SYNDIG1L: variants seen among roughly 807,000 people sequenced by gnomAD.
SYNDIG1L encodes synapse differentiation-inducing gene protein 1-like.
In SYNDIG1L, 13 loss-of-function variants were observed where a neutral mutation model predicts 20.1. That is an observed-to-expected ratio of 0.65 (90% CI 0.42 to 1.03). The LOEUF is 1.03. Among genes scored for constraint, SYNDIG1L ranks in the 50% least tolerant of loss-of-function variants. The pLI, the probability that SYNDIG1L is intolerant of heterozygous loss-of-function variation, is 0.00. For missense variants in SYNDIG1L, 294 were observed against 305.1 expected, an observed-to-expected ratio of 0.96 and a Z score of 0.27; for synonymous variants, 128 against 129.3, an observed-to-expected ratio of 0.99 and a Z score of 0.07.
chr14:74,422,688 CT>C (rs1041626717), intron 1 of SYNDIG1L, among the ~76,000 whole-genome samples: 2 of 148,682 alleles, frequency 1.3e-5, no homozygotes, highest in African/African-American at 2.5e-5. Context: ...CACAATTTCT[CT>C]TTTTTTTCTT....
Position 74,407,160 on chromosome 14 carries a change from C to T in SYNDIG1L, c.*375G>A. 3.6e-6 allele frequency: 1 copy of T among 278,484 alleles called. No homozygotes were observed. The highest frequency in any genetic ancestry group is 6.9e-6 in the Non-Finnish European group (1 of 145,978). 17.3% of individuals were successfully genotyped at this position (278,484 alleles called of 1,614,324 possible). The stretch of plus-strand genomic sequence containing the variant: ...GCACCCCCTTTTCTCCCTGTAACCT[C>T]CTGCTCTTTCTCTGTGGGGAGGTTG... On this transcript the variant is annotated 3_prime_UTR_variant, in exon 4 of 4. Coordinates refer to ENST00000331628, the MANE Select transcript of SYNDIG1L (RefSeq NM_001105579.2).
the SYNDIG1L span, among the ~76,000 whole-genome samples, chr14:74,441,841 G>A: frequency 7.9e-5 from 12 of 152,104 alleles, no homozygotes; most frequent in South Asian, 2.1e-4. Context: ...TGATTTTCAA[G>A]ATCCTGTTTT....
At chr14:74,473,148 G>A in the SYNDIG1L span, among the ~76,000 whole-genome samples, 2 of 152,116 alleles carry the variant, frequency 1.3e-5, no homozygotes, top group South Asian at 2.1e-4. Flanking sequence ...TTGGGAGCCC[G>A]AGGCGGGTGG....
chr14:74,416,446 C>T (rs1401563125), intron 1 of SYNDIG1L, among the ~76,000 whole-genome samples: 3 of 151,944 alleles, frequency 2.0e-5, no homozygotes, highest in African/African-American at 4.8e-5. Flanking sequence ...CCAGCCTGGG[C>T]GATATAATGA....
chr14:74,460,037 C>G, the SYNDIG1L span, among the ~76,000 whole-genome samples: 1 of 152,154 alleles, frequency 6.6e-6, no homozygotes, highest in Middle Eastern at 3.2e-3. Flanking sequence ...ACCCCCAGCT[C>G]TTCCTCCCTC....
intron 1 of SYNDIG1L, among the ~76,000 whole-genome samples, chr14:74,421,876 C>T (rs1056075908): frequency 6.6e-6 from 1 of 152,164 alleles, no homozygotes; most frequent in Non-Finnish European, 1.5e-5. Flanking sequence ...CACTGTCTTC[C>T]AGGGAGAATC....
At chr14:74,463,689 G>A in the SYNDIG1L span, among the ~76,000 whole-genome samples, 1 of 152,152 alleles carries the variant, frequency 6.6e-6, no homozygotes, top group Non-Finnish European at 1.5e-5. Flanking sequence ...TTTGATTATG[G>A]TTTTCAAGCC....
At chr14:74,448,773 A>G in the SYNDIG1L span, among the ~76,000 whole-genome samples, 1 of 152,332 alleles carries the variant, frequency 6.6e-6, no homozygotes, top group African/African-American at 2.4e-5. Flanking sequence ...TTAAAAACTA[A>G]ACAATACACT....
intron 1 of SYNDIG1L, among the ~76,000 whole-genome samples, chr14:74,425,282 G>T (rs1163119973): frequency 6.6e-6 from 1 of 152,218 alleles, no homozygotes. Flanking sequence ...GCCCTCATGC[G>T]CCAAGAGATG....
intron 1 of SYNDIG1L, among the ~76,000 whole-genome samples, chr14:74,417,169 G>A (rs1230380411): frequency 6.6e-6 from 1 of 152,234 alleles, no homozygotes; most frequent in East Asian, 1.9e-4. Flanking sequence ...GCTAGAGAGT[G>A]GCAGAGCTCT....
At chr14:74,430,506 G>A (rs1413037098), upstream of SYNDIG1L, among the ~76,000 whole-genome samples, 2 of 151,852 alleles carry the variant, frequency 1.3e-5, no homozygotes, top group African/African-American at 4.8e-5. Context: ...CATGATCTCG[G>A]CTCACTGCAA....
At chr14:74,416,785 T>G (rs1208105460) in intron 1 of SYNDIG1L, among the ~76,000 whole-genome samples, 2 of 152,242 alleles carry the variant, frequency 1.3e-5, no homozygotes, top group Non-Finnish European at 2.9e-5. Context: ...AACCTGTGCT[T>G]ACTAAGTTCT....
chr14:74,412,037 T>C (rs916848158), intron 1 of SYNDIG1L, among the ~76,000 whole-genome samples: 3 of 152,164 alleles, frequency 2.0e-5, no homozygotes, highest in African/African-American at 7.2e-5. Context: ...CAGGCAGAGA[T>C]AGGGCGCACA....
At chr14:74,420,051 T>A (rs905144921) in intron 1 of SYNDIG1L, among the ~76,000 whole-genome samples, 4 of 151,934 alleles carry the variant, frequency 2.6e-5, no homozygotes, top group African/African-American at 9.7e-5. Flanking sequence ...AGAAAGGATT[T>A]AAGGTGGGTG....
the SYNDIG1L span, among the ~76,000 whole-genome samples, chr14:74,442,910 A>G: frequency 6.6e-6 from 1 of 152,230 alleles, no homozygotes; most frequent in Non-Finnish European, 1.5e-5. Flanking sequence ...GTTTGCTAAA[A>G]GAGGGACTCC....
chr14:74,438,898 A>G, the SYNDIG1L span, among the ~76,000 whole-genome samples: 10 of 152,292 alleles, frequency 6.6e-5, no homozygotes, highest in African/African-American at 2.4e-4. Context: ...GGTTCTTCTG[A>G]AGTCAGGTGT....
Position 74,408,009 on chromosome 14 carries a change from G to T in SYNDIG1L, c.418-20C>A. ...ATCGCTCTGCAAAACAGTGGAGTTT[G>T]GTGACCAGGCCCAGGATCAGCCCAG... On this transcript the variant is annotated intron_variant, in intron 2 of 3. Coordinates refer to ENST00000331628, the MANE Select transcript of SYNDIG1L (RefSeq NM_001105579.2). 1.3e-6 allele frequency: 2 copies of T among 1,594,044 alleles called. No individual in the cohort carries two copies. The highest frequency in any genetic ancestry group is 1.7e-6 in the Non-Finnish European group (2 of 1,170,506).
the SYNDIG1L span, chr14:74,479,826 T>A: frequency 6.5e-6 from 2 of 308,462 alleles, no homozygotes; most frequent in African/African-American, 2.3e-5. Context: ...GGAAAAAGAG[T>A]TTCTGAAAAA....
chr14:74,423,904 G>A (rs1342979956), intron 1 of SYNDIG1L, among the ~76,000 whole-genome samples: 1 of 151,992 alleles, frequency 6.6e-6, no homozygotes, highest in Non-Finnish European at 1.5e-5. Context: ...GGGATAATGG[G>A]GTGGTGGTTC....
Sources: gnomAD v4.1 joint callset for allele counts (sites outside exome capture counted in the v4.1 genomes callset) on GRCh38, gnomAD v4.1.1 for gene constraint, MANE v1.5 for transcripts, NCBI Gene and HGNC (gene_info 2026-07-23, HGNC 2026-07-21) for gene names.